The following LDB3 variants were observed in gnomAD, a reference collection of about 807,000 sequenced individuals.
LDB3 encodes the protein LIM domain binding 3, also known as LIM domain-binding protein 3.
LDB3 carries 49 observed loss-of-function variants against 69.0 expected under a neutral mutation model. The observed-to-expected ratio is 0.71, with a 90% CI of 0.56 to 0.90. LDB3 has a LOEUF of 0.90. Among genes scored for constraint, LDB3 ranks in the 40% least tolerant of loss-of-function variants. The pLI is 0.00. For synonymous variants in LDB3, 387 were observed against 396.2 expected (o/e 0.98, Z 0.28); for missense variants, 928 against 974.1 (o/e 0.95, Z 0.63).
chr10:86,677,681 G>A (rs540631392), intron 2 of LDB3, among the ~76,000 whole-genome samples: 13 of 152,200 alleles, frequency 8.5e-5, no homozygotes, highest in Non-Finnish European at 1.5e-4. Flanking sequence ...TGGTATTATC[G>A]GGGCTCAGGG....
intron 3 of LDB3, among the ~76,000 whole-genome samples, chr10:86,679,836 G>C (rs1380826145): frequency 6.6e-6 from 1 of 152,196 alleles, no homozygotes; most frequent in Non-Finnish European, 1.5e-5. Context: ...CAGTGACGTA[G>C]CAGGGGCCCA....
intron 7 of LDB3, among the ~76,000 whole-genome samples, chr10:86,700,743 C>A (rs916955468): frequency 6.6e-6 from 1 of 152,246 alleles, no homozygotes; most frequent in Non-Finnish European, 1.5e-5. Flanking sequence ...TCATGTCCTG[C>A]TGAGCTGTAA....
chr10:86,711,333 T>C (rs1846655012), intron 9 of LDB3, among the ~76,000 whole-genome samples: 1 of 151,746 alleles, frequency 6.6e-6, no homozygotes, highest in Admixed American at 6.6e-5. Flanking sequence ...CTTCCCGGGC[T>C]GGGGCCCAGG....
At chr10:86,688,081 G>GTGTGTA (rs765308187) in intron 5 of LDB3, among the ~76,000 whole-genome samples, 1 of 136,002 alleles carries the variant, frequency 7.4e-6, no homozygotes, top group South Asian at 2.4e-4. Flanking sequence ...GTGTGTGTGT[G>GTGTGTA]TGTATGTGTC....
chr10:86,686,510 A>C (rs1040766046), intron 5 of LDB3, among the ~76,000 whole-genome samples: 23 of 152,204 alleles, frequency 1.5e-4, no homozygotes, highest in Non-Finnish European at 2.9e-5. Flanking sequence ...GGGAAAGCCA[A>C]GATGGGCAAG....
rs145371401 is a variant in LDB3, at chr10:86,682,126, T to C, written c.689+323T>C. On this transcript the variant is annotated intron_variant, in intron 5 of 13. Transcript: ENST00000361373. ...TTCAGGAGATTCTGACTTCCAACAC[T>C]TTTTCACTAGGCCACTCCCCAGAAC... Among the ~76,000 whole-genome samples, 1,260 of 152,222 alleles carry C rather than the reference T, an allele frequency of 8.3e-3. 11 individuals are homozygous for C. Among genetic ancestry groups the C allele is most frequent in the South Asian group, 0.038 (182 of 4,822 alleles).
intron 5 of LDB3, among the ~76,000 whole-genome samples, chr10:86,691,337 GC>G (rs1193303542): frequency 6.6e-6 from 1 of 152,160 alleles, no homozygotes; most frequent in Non-Finnish European, 1.5e-5. Context: ...CCATGCCAGG[GC>G]TGTGCCTTGC....
At chr10:86,703,793 T>G (rs919470370) in intron 7 of LDB3, among the ~76,000 whole-genome samples, 1 of 152,174 alleles carries the variant, frequency 6.6e-6, no homozygotes, top group Non-Finnish European at 1.5e-5. Context: ...ACCAGCAGCA[T>G]CAGCATCACC....
chr10:86,718,935 C>T, intron 12 of LDB3, 88 bp downstream of exon 12: 1 of 1,532,450 alleles, frequency 6.5e-7, no homozygotes, highest in Non-Finnish European at 8.9e-7. Flanking sequence ...CTAATCCATT[C>T]ACATCCGACC....
At chr10:86,714,562 T>TC (rs1564656223) in intron 9 of LDB3, among the ~76,000 whole-genome samples, 1 of 149,992 alleles carries the variant, frequency 6.7e-6, no homozygotes, top group Non-Finnish European at 1.5e-5. Context: ...TCTTTTTTTT[T>TC]TTTTTTTTTT....
At chr10:86,732,805 G>A in intron 13 of LDB3, 82 bp from the exon 14 acceptor site, 1 of 1,110,572 alleles carries the variant, frequency 9.0e-7, no homozygotes. Context: ...CGCCTGGCCA[G>A]GGCGTTTTCT....
intron 7 of LDB3, among the ~76,000 whole-genome samples, chr10:86,695,141 CTGGTGCTGTG>C (rs57011855): frequency 0.94 from 143,598 of 152,058 alleles, 68,204 homozygotes; most frequent in Non-Finnish European, 0.99. Context: ...TTTCTCCTTC[CTGGTGCTGTG>C]TGGTGCTGTG....
chr10:86,694,989 C>A (rs988497161), intron 7 of LDB3, among the ~76,000 whole-genome samples: 1 of 152,216 alleles, frequency 6.6e-6, no homozygotes, highest in Non-Finnish European at 1.5e-5. Flanking sequence ...AGCGGGGATT[C>A]TCAGGGTCTC....
chr10:86,718,222 A>C (rs1387297781), intron 11 of LDB3, 78 bp downstream of exon 11: 4 of 1,391,818 alleles, frequency 2.9e-6, no homozygotes, highest in Non-Finnish European at 4.1e-6. Flanking sequence ...TCCCATTAGG[A>C]AGCCAAGAAG....
At chr10:86,687,965 G>A (rs977052006) in intron 5 of LDB3, among the ~76,000 whole-genome samples, 4 of 152,200 alleles carry the variant, frequency 2.6e-5, no homozygotes, top group South Asian at 2.1e-4. Flanking sequence ...CTCTCTCTGC[G>A]TGTCTCTGTG....
chr10:86,697,215 C>CTTTTTTTTTT lies in LDB3; in HGVS notation c.896+4659_896+4668dup, dbSNP rs34215720. 1.3e-4 allele frequency among the ~76,000 whole-genome samples: 10 copies of CTTTTTTTTTT among 77,782 alleles called. 1 individual carries two copies. The highest frequency in any genetic ancestry group is 5.9e-4 in the South Asian group (1 of 1,692). The allele number at this position is 77,782 out of a possible 152,430, so 51.0% of individuals were successfully genotyped here. Reference sequence around the variant, plus strand: ...CTGATTTTTATATGCTAGCAATTCACTTTTTTTTTTTTTTTTTTTTTTTTG... The same window carrying CTTTTTTTTTT: ...CTGATTTTTATATGCTAGCAATTCACTTTTTTTTTTTTTTTTTTTTTTTTTTTTTTTTTTG... On this transcript the variant is annotated intron_variant, in intron 7 of 13. Transcript: ENST00000361373.
intron 9 of LDB3, among the ~76,000 whole-genome samples, chr10:86,715,198 A>G (rs1314483251): frequency 6.6e-6 from 1 of 152,124 alleles, no homozygotes; most frequent in Non-Finnish European, 1.5e-5. Flanking sequence ...GGGTGCAGGG[A>G]CTGCCTCAAT....
Position 86,709,954 on chromosome 10 carries a change from G to A in LDB3, c.1135G>A (p.Ala379Thr). 1.2e-6 allele frequency: 2 copies of A among 1,612,824 alleles called. No individual in the cohort carries two copies. The highest frequency in any genetic ancestry group is 1.1e-5 in the South Asian group (1 of 91,086). The change falls in exon 9 of 14, where the codon GCC (alanine) becomes ACC (threonine). Residue 379 changes from alanine (A) to threonine (T), a missense_variant. Coordinates refer to ENST00000361373, the MANE Select transcript of LDB3 (RefSeq NM_007078.3). The stretch of plus-strand genomic sequence containing the variant: ...CGCAGTGGCCGCCTCTTCAGCACCT[G>A]CCACCCACACCAGCTACAGTGAGGG... ...SPAVAASSAP[A>T]THTSYSEGPA...
chr10:86,670,770 G>A (rs1844429420), intron 2 of LDB3, among the ~76,000 whole-genome samples: 1 of 152,248 alleles, frequency 6.6e-6, no homozygotes, highest in South Asian at 2.1e-4. Context: ...TGGCCTCTCG[G>A]CTTCCTTTAG....
Sources: gnomAD v4.1 joint callset for allele counts (sites outside exome capture counted in the v4.1 genomes callset) on GRCh38, gnomAD v4.1.1 for gene constraint, MANE v1.5 for transcripts, NCBI Gene and HGNC (gene_info 2026-07-23, HGNC 2026-07-21) for gene names.